TPX2: variants seen among roughly 807,000 people sequenced by gnomAD.
TPX2 encodes the protein TPX2 microtubule nucleation factor, also known as targeting protein for Xklp2.
Under a neutral mutation model 93.6 loss-of-function variants are expected in TPX2, and 21 were observed. The ratio of observed to expected loss-of-function variants is 0.22; its 90% confidence interval spans 0.16 to 0.32. TPX2 has a LOEUF of 0.32. Among genes scored for constraint, TPX2 ranks in the 10% least tolerant of loss-of-function variants. TPX2 has a pLI of 1.00. For missense variants in TPX2, 776 were observed against 871.1 expected (o/e 0.89, Z 1.37); for synonymous variants, 281 against 298.3 (o/e 0.94, Z 0.60).
At chr20:31,794,306 T>G in intron 14 of TPX2, 96 bp from the exon 15 acceptor site, 1 of 1,484,676 alleles carries the variant, frequency 6.7e-7, no homozygotes, top group Non-Finnish European at 9.1e-7. Context: ...TTGAAAGGTT[T>G]CCTTCCTTAT....
chr20:31,765,797 G>C (rs2061921563), intron 4 of TPX2, among the ~76,000 whole-genome samples: 1 of 152,206 alleles, frequency 6.6e-6, no homozygotes, highest in Non-Finnish European at 1.5e-5. Flanking sequence ...GACATCAGGA[G>C]ATCAGTGGAT....
chr20:31,755,656 G>A (rs2061847403), intron 2 of TPX2, among the ~76,000 whole-genome samples: 1 of 151,870 alleles, frequency 6.6e-6, no homozygotes, highest in Non-Finnish European at 1.5e-5. Flanking sequence ...CCAGCTACTA[G>A]AGACTGAGGC....
chr20:31,766,504 C>G (rs1379865506), intron 4 of TPX2, 52 bp from the exon 5 acceptor site: 9 of 1,454,810 alleles, frequency 6.2e-6, no homozygotes, highest in Non-Finnish European at 8.4e-6. Context: ...TGTCTCATCT[C>G]CAATTATTTT....
chr20:31,758,755 T>A (rs1003517292), intron 3 of TPX2, among the ~76,000 whole-genome samples: 2 of 152,146 alleles, frequency 1.3e-5, no homozygotes, highest in African/African-American at 4.8e-5. Context: ...AGTCGTCTGT[T>A]GGAAGTGGTG....
chr20:31,763,273 G>A (rs530927521), intron 4 of TPX2, among the ~76,000 whole-genome samples: 4 of 152,118 alleles, frequency 2.6e-5, no homozygotes, highest in African/African-American at 7.2e-5. Context: ...TCCGCCCCCC[G>A]GGTTCAAGTG....
chr20:31,770,622 A>T (rs1027856508), intron 6 of TPX2, 151 bp downstream of exon 6: 4 of 724,222 alleles, frequency 5.5e-6, no homozygotes, highest in Non-Finnish European at 6.1e-6. Context: ...CTCAAGCTTG[A>T]GAAATGCCTA....
chr20:31,775,220 A>G (rs534308222), intron 7 of TPX2, among the ~76,000 whole-genome samples: 3 of 152,120 alleles, frequency 2.0e-5, no homozygotes, highest in South Asian at 2.1e-4. Context: ...CGGCCTCCCA[A>G]AGTGCTGGGT....
rs577316017 is a variant in TPX2 at position 31,745,912 on chromosome 20, A to G, written c.-71+3265A>G. Among the ~76,000 whole-genome samples the G allele has an allele frequency of 6.6e-5, 10 of 152,338 alleles. No individual in the cohort carries two copies. In the East Asian group the frequency reaches 1.9e-3, roughly 29 times the overall value. ...GATTTCCATCTAGGTCCTATTAGTCATAGGTGGATTATGGTTTGTTGAGTT... is the reference window on the plus strand; with the variant it reads ...GATTTCCATCTAGGTCCTATTAGTCGTAGGTGGATTATGGTTTGTTGAGTT... On this transcript the variant is annotated intron_variant, in intron 2 of 17. Transcript: ENST00000300403.
At chr20:31,751,119 G>A (rs1012999839) in intron 2 of TPX2, among the ~76,000 whole-genome samples, 6 of 152,104 alleles carry the variant, frequency 3.9e-5, no homozygotes, top group Admixed American at 1.3e-4. Context: ...CCAGGAGTTC[G>A]AGTCTAGCCT....
chr20:31,790,481 C>T (rs59021102), intron 12 of TPX2, among the ~76,000 whole-genome samples: 3,971 of 152,220 alleles, frequency 0.026, 139 homozygotes, highest in African/African-American at 0.079. Flanking sequence ...ACTAAAACTT[C>T]TGAGTAGTCC....
intron 1 of TPX2, 37 bp from the exon 2 acceptor site, chr20:31,742,504 C>T (rs1600347268): frequency 6.6e-6 from 1 of 152,254 alleles, no homozygotes; most frequent in East Asian, 1.9e-4. Flanking sequence ...CTACAGAGAA[C>T]TTGGAACCTG....
rs1460635572 is a variant in TPX2, at chr20:31,782,321, A to G, written c.1127A>G (p.His376Arg). The G allele has an allele frequency of 1.2e-6, 2 of 1,613,762 alleles. No individual in the cohort carries two copies. The highest frequency in any genetic ancestry group is 1.7e-5 in the Admixed American group (1 of 59,962). The change falls in exon 11 of 18, where the codon CAC (histidine) becomes CGC (arginine). Residue 376 changes from histidine to arginine, a missense_variant. Transcript: ENST00000300403. Reference sequence around the variant, plus strand: ...CAGACTCCTGTACTGCAAACCAAACACCGTGCACGGGCTGTGACCTGCAAA... The same window carrying G: ...CAGACTCCTGTACTGCAAACCAAACGCCGTGCACGGGCTGTGACCTGCAAA... ...DPQTPVLQTK[H>R]RARAVTCKST...
Position 31,799,122 on chromosome 20 carries a change from G to A in TPX2, c.2133+570G>A, listed in dbSNP as rs142267399. On this transcript the variant is annotated intron_variant, in intron 17 of 17. Coordinates refer to ENST00000300403, the MANE Select transcript of TPX2 (RefSeq NM_012112.5). Reference sequence around the variant, plus strand: ...CAAACTCCTTGGAGTTACAGTGTTCGTCGCTCCAGGTAATCCTCTACTAAC... The same window carrying A: ...CAAACTCCTTGGAGTTACAGTGTTCATCGCTCCAGGTAATCCTCTACTAAC... Among the ~76,000 whole-genome samples the A allele has an allele frequency of 1.0e-3, 155 of 152,260 alleles. 3 individuals are homozygous for A. The highest frequency in any genetic ancestry group is 8.3e-3 in the East Asian group (43 of 5,190).
At chr20:31,751,804 GC>G (rs1321902283) in intron 2 of TPX2, among the ~76,000 whole-genome samples, 8 of 152,132 alleles carry the variant, frequency 5.3e-5, no homozygotes, top group Admixed American at 5.2e-4. Flanking sequence ...GTGCAATGGC[GC>G]AATCTCAGCT....
At chr20:31,747,126 T>C (rs1386160960) in intron 2 of TPX2, among the ~76,000 whole-genome samples, 1 of 151,836 alleles carries the variant, frequency 6.6e-6, no homozygotes, top group African/African-American at 2.4e-5. Flanking sequence ...AGATTTTTTT[T>C]TGTTGTTGTT....
chr20:31,791,797 G>A (rs781500908), intron 12 of TPX2, among the ~76,000 whole-genome samples: 4 of 152,158 alleles, frequency 2.6e-5, no homozygotes, highest in Non-Finnish European at 5.9e-5. Flanking sequence ...ATGTGGACAC[G>A]AGTGTAACAA....
chr20:31,755,530 G>A (rs558639932), intron 2 of TPX2, among the ~76,000 whole-genome samples: 56 of 151,870 alleles, frequency 3.7e-4, no homozygotes, highest in African/African-American at 9.9e-4. Flanking sequence ...TTGGGAGGCC[G>A]AGGTGGGTGG....
At chr20:31,766,297 G>A (rs1481298528) in intron 4 of TPX2, among the ~76,000 whole-genome samples, 2 of 152,064 alleles carry the variant, frequency 1.3e-5, no homozygotes, top group East Asian at 3.8e-4. Flanking sequence ...GAAATGTCAT[G>A]AGATTGTGTT....
chr20:31,800,346 C>T (rs865867507), intron 17 of TPX2, among the ~76,000 whole-genome samples: 113 of 152,232 alleles, frequency 7.4e-4, no homozygotes, highest in African/African-American at 2.6e-3. Context: ...TGTGTTTGTC[C>T]CCATTATAGA....
Sources: gnomAD v4.1 joint callset for allele counts (sites outside exome capture counted in the v4.1 genomes callset) on GRCh38, gnomAD v4.1.1 for gene constraint, MANE v1.5 for transcripts, NCBI Gene and HGNC (gene_info 2026-07-23, HGNC 2026-07-21) for gene names.